The following CHN2 variants were observed in gnomAD, a reference collection of about 807,000 sequenced individuals.
The protein encoded by CHN2 is beta-chimaerin.
A neutral mutation model predicts 56.3 loss-of-function variants in CHN2; 35 were observed. The observed-to-expected ratio is 0.62, with a 90% CI of 0.47 to 0.82. The LOEUF is 0.82. Among genes scored for constraint, CHN2 ranks in the 40% least tolerant of loss-of-function variants. CHN2 has a pLI of 0.00. For synonymous variants in CHN2, 210 were observed against 212.8 expected (o/e 0.99, Z 0.12); for missense variants, 491 against 580.5 (o/e 0.85, Z 1.58).
rs114934524 is a variant in CHN2 at position 29,404,037 on chromosome 7, G to A, written c.576+3209G>A. ...ATCCCCATCTTATTGAAAGGCTCAC[G>A]GTGGCAGGGTGAGGAATCAGACCCA... On this transcript the variant is annotated intron_variant, in intron 6 of 12. Coordinates refer to ENST00000222792, the MANE Select transcript of CHN2 (RefSeq NM_004067.4). 5.5e-3 allele frequency among the ~76,000 whole-genome samples: 844 copies of A among 152,252 alleles called. 6 individuals are homozygous for A. Among genetic ancestry groups the A allele is most frequent in the Middle Eastern group, 0.017 (5 of 294 alleles).
At chr7:29,438,815 T>C (rs546327399) in intron 6 of CHN2, among the ~76,000 whole-genome samples, 13 of 152,364 alleles carry the variant, frequency 8.5e-5, no homozygotes, top group Admixed American at 6.5e-4. Context: ...ACTGGTTGAT[T>C]AAACAACCTT....
At chr7:29,485,553 AG>A (rs1787871069) in intron 7 of CHN2, among the ~76,000 whole-genome samples, 1 of 152,226 alleles carries the variant, frequency 6.6e-6, no homozygotes. Flanking sequence ...CCTCGTGGGT[AG>A]GTGGAAAGTT....
At chr7:29,368,105 G>C (rs1799317611) in intron 3 of CHN2, 118 bp downstream of exon 3, 1 of 744,264 alleles carries the variant, frequency 1.3e-6, no homozygotes, top group African/African-American at 1.8e-5. Context: ...ATTTGTTGGA[G>C]TGTCAAAAAA....
intron 1 of CHN2, among the ~76,000 whole-genome samples, chr7:29,196,761 C>T (rs754264444): frequency 9.2e-5 from 14 of 152,148 alleles, no homozygotes; most frequent in African/African-American, 1.2e-4. Flanking sequence ...AGTCAGCCTT[C>T]GGAAGAATAC....
chr7:29,203,496 T>C (rs1455848762), intron 1 of CHN2, among the ~76,000 whole-genome samples: 1 of 141,506 alleles, frequency 7.1e-6, no homozygotes, highest in Admixed American at 7.1e-5. Context: ...AAAAAAAGGA[T>C]CTATTAAGCT....
intron 6 of CHN2, among the ~76,000 whole-genome samples, chr7:29,431,687 G>A (rs1028845652): frequency 6.6e-6 from 1 of 152,176 alleles, no homozygotes; most frequent in Non-Finnish European, 1.5e-5. Context: ...TGGGGCAGGG[G>A]TAGTCATGAT....
At chr7:29,231,780 G>A (rs1185066699) in intron 1 of CHN2, among the ~76,000 whole-genome samples, 2 of 152,132 alleles carry the variant, frequency 1.3e-5, no homozygotes, top group Admixed American at 1.3e-4. Context: ...TGAACATTCC[G>A]CATTTTTAGT....
intron 7 of CHN2, among the ~76,000 whole-genome samples, chr7:29,488,255 G>C (rs1385489140): frequency 6.6e-6 from 1 of 152,188 alleles, no homozygotes; most frequent in Non-Finnish European, 1.5e-5. Context: ...ACTTCATCTG[G>C]TCTTGCAAAA....
intron 1 of CHN2, among the ~76,000 whole-genome samples, chr7:29,276,401 C>G (rs1791222904): frequency 6.6e-6 from 1 of 152,168 alleles, no homozygotes; most frequent in Non-Finnish European, 1.5e-5. Context: ...CTGTCTCTGT[C>G]CAAGGCAGTT....
chr7:29,157,431 G>A (rs912140369), intron 2 of CHN2, among the ~76,000 whole-genome samples: 3 of 134,472 alleles, frequency 2.2e-5, no homozygotes, highest in Non-Finnish European at 3.1e-5. Context: ...GAGAAATGGC[G>A]TTATCTCAGT....
intron 2 of CHN2, among the ~76,000 whole-genome samples, chr7:29,165,701 T>A (rs944793616): frequency 6.6e-6 from 1 of 152,206 alleles, no homozygotes; most frequent in African/African-American, 2.4e-5. Flanking sequence ...AGCTGCCCTT[T>A]ATGTGGTTGA....
At chr7:29,243,883 G>A (rs1232363616) in intron 1 of CHN2, among the ~76,000 whole-genome samples, 2 of 152,298 alleles carry the variant, frequency 1.3e-5, no homozygotes, top group East Asian at 3.9e-4. Context: ...ATGTCAAAGT[G>A]CACTCAAGTC....
At position 29,463,882 on chromosome 7, in the gene CHN2, C is replaced by T. The variant is rs373157396; in HGVS notation, c.577-16397C>T. Reference sequence around the variant, plus strand: ...CCTCCTGCCCTGCCTGCCTGCCTGGCACCGACATGGCTGAATTGTACCTTA... The same window carrying T: ...CCTCCTGCCCTGCCTGCCTGCCTGGTACCGACATGGCTGAATTGTACCTTA... On this transcript the variant is annotated intron_variant, in intron 6 of 12. Transcript: ENST00000222792. Among the ~76,000 whole-genome samples the T allele has an allele frequency of 2.2e-4, 34 of 152,340 alleles. No individual in the cohort carries two copies. The East Asian group carries it at 3.5e-3, about 16-fold the overall frequency.
chr7:29,318,328 C>T (rs1323279345), intron 1 of CHN2, among the ~76,000 whole-genome samples: 1 of 152,198 alleles, frequency 6.6e-6, no homozygotes, highest in Non-Finnish European at 1.5e-5. Flanking sequence ...CTAGCTACTT[C>T]CACACAATAA....
chr7:29,327,874 G>T (rs751916469), intron 1 of CHN2, among the ~76,000 whole-genome samples: 1 of 152,054 alleles, frequency 6.6e-6, no homozygotes, highest in South Asian at 2.1e-4. Flanking sequence ...TTTTGTAGCC[G>T]GAATGTTGTT....
At chr7:29,225,586 G>A (rs895286343) in intron 1 of CHN2, among the ~76,000 whole-genome samples, 4 of 152,168 alleles carry the variant, frequency 2.6e-5, no homozygotes, top group African/African-American at 4.8e-5. Flanking sequence ...GATTGTATAG[G>A]ACATTAGTGC....
chr7:29,243,028 A>G (rs758452988), intron 1 of CHN2, among the ~76,000 whole-genome samples: 13 of 152,076 alleles, frequency 8.5e-5, no homozygotes, highest in Admixed American at 3.3e-4. Context: ...TCACTGAGGG[A>G]GATATTTGTG....
At chr7:29,457,641 C>G (rs1784863243) in intron 6 of CHN2, among the ~76,000 whole-genome samples, 1 of 152,124 alleles carries the variant, frequency 6.6e-6, no homozygotes, top group African/African-American at 2.4e-5. Flanking sequence ...AAGTCTCTGG[C>G]CTTGGAGAAC....
rs146197700 is a variant in CHN2 at position 29,167,893 on chromosome 7, A to G, written c.274+20933A>G. ...GGCTGGAGCAATTACTTACTGATGC[A>G]AAAACCCCCATGCTTTCCTTCCCTC... On this transcript the variant is annotated intron_variant, in intron 2 of 6. Coordinates refer to the CHN2 transcript ENST00000439384. Among the ~76,000 whole-genome samples the G allele has an allele frequency of 1.7e-3, 265 of 152,318 alleles. 7 individuals carry two copies. The East Asian group carries it at 0.047, about 27-fold the overall frequency.
Sources: gnomAD v4.1 joint callset for allele counts (sites outside exome capture counted in the v4.1 genomes callset) on GRCh38, gnomAD v4.1.1 for gene constraint, MANE v1.5 for transcripts, NCBI Gene and HGNC (gene_info 2026-07-23, HGNC 2026-07-21) for gene names.